RALGAPA1: variants seen among roughly 807,000 people sequenced by gnomAD.
RALGAPA1 encodes Ral GTPase activating protein catalytic subunit alpha 1.
RALGAPA1 carries 52 observed loss-of-function variants against 269.6 expected under a neutral mutation model. The ratio of observed to expected loss-of-function variants is 0.19; its 90% CI spans 0.15 to 0.24. RALGAPA1 has a LOEUF of 0.24. Ranked by LOEUF, RALGAPA1 falls within the 10% of genes least tolerant of loss-of-function variation. The pLI is 1.00. For missense variants in RALGAPA1, 1,917 were observed against 3,013.9 expected (o/e 0.64, Z 8.52); for synonymous variants, 817 against 1,008.3 (o/e 0.81, Z 3.60).
chr14:35,636,174 T>C (rs986524282), intron 31 of RALGAPA1, among the ~76,000 whole-genome samples: 1 of 152,104 alleles, frequency 6.6e-6, no homozygotes, highest in Admixed American at 6.5e-5. Flanking sequence ...GACTTCCAAA[T>C]AGCTGGGACT....
chr14:35,620,676 A>AAATC (rs2060561286), intron 35 of RALGAPA1, among the ~76,000 whole-genome samples: 1 of 152,246 alleles, frequency 6.6e-6, no homozygotes, highest in Non-Finnish European at 1.5e-5. Context: ...TCAGGATACA[A>AAATC]AATCAATGTG....
chr14:35,774,981 A>G (rs778849008), intron 3 of RALGAPA1, 25 bp downstream of exon 3: 9 of 1,459,076 alleles, frequency 6.2e-6, no homozygotes, highest in Non-Finnish European at 8.5e-6. Flanking sequence ...TGAAAAAGGG[A>G]AAAGTTAGGT....
chr14:35,557,766 A>C (rs1000418002), intron 39 of RALGAPA1, among the ~76,000 whole-genome samples: 1 of 152,206 alleles, frequency 6.6e-6, no homozygotes, highest in Non-Finnish European at 1.5e-5. Flanking sequence ...CAAAACATGC[A>C]TTTGAATTTC....
chr14:35,540,273 A>G (rs933701887), intron 41 of RALGAPA1, among the ~76,000 whole-genome samples: 3 of 152,210 alleles, frequency 2.0e-5, no homozygotes, highest in African/African-American at 4.8e-5. Context: ...AAATTTGTGG[A>G]TGAGGGGAGG....
intron 21 of RALGAPA1, among the ~76,000 whole-genome samples, chr14:35,680,440 C>A (rs1405070577): frequency 2.0e-5 from 3 of 151,896 alleles, no homozygotes; most frequent in Non-Finnish European, 4.4e-5. Flanking sequence ...GAACTCCTGA[C>A]CTCAGGTGAT....
chr14:35,627,805 T>C lies in RALGAPA1; in HGVS notation c.6142A>G (p.Ser2048Gly), dbSNP rs1382422077. 6.4e-7 allele frequency: 1 copy of C among 1,567,724 alleles called. No homozygotes were observed. Among genetic ancestry groups the C allele is most frequent in the Admixed American group, 1.7e-5 (1 of 57,206 alleles). ...TCAGGAGAAAGTTCAGTACTTTCAC[T>C]GTAATGATTGTCGTGATTTTCACAC... is the stretch of plus-strand genomic sequence containing the variant. ...QVCENHDNHY[S>G]ESTELSPELF... Residue 2048 changes from serine (S) to glycine (G), a missense_variant, in exon 34 of 42, where the codon AGT becomes GGT. Coordinates refer to ENST00000680220, the MANE Select transcript of RALGAPA1 (RefSeq NM_001346249.2).
intron 33 of RALGAPA1, among the ~76,000 whole-genome samples, chr14:35,629,500 AT>A (rs2061204644): frequency 6.6e-6 from 1 of 151,992 alleles, no homozygotes; most frequent in South Asian, 2.1e-4. Flanking sequence ...AAATTTATTT[AT>A]TTATTTATTT....
rs1421685735 is a variant in RALGAPA1 at position 35,688,900 on chromosome 14, CTT to C, written c.3509_3510del (p.Lys1170ArgfsTer15). Reference sequence around the variant, plus strand: ...CGCAGTCTCATCTTCCATGGAGCCTCTTTGTTTTCCAGAGGATTATAAAACTG... The same window carrying C: ...CGCAGTCTCATCTTCCATGGAGCCTCTGTTTTCCAGAGGATTATAAAACTG... ...SVQFYNPLENKEAPWKMRLRK... is the reference protein window; with the variant it reads ...SVQFYNPLENXEAPWKMRLRK... On this transcript the variant is annotated frameshift_variant, in exon 18 of 42. Transcript: ENST00000680220. LOFTEE classifies it high-confidence loss of function. 2 of 1,263,278 alleles carry C rather than the reference CTT, an allele frequency of 1.6e-6. No homozygotes were observed. The highest frequency in any genetic ancestry group is 2.0e-6 in the Non-Finnish European group (2 of 1,006,394). 78.3% of individuals were successfully genotyped at this position (1,263,278 alleles called of 1,614,324 possible). A position where few individuals can be genotyped will look rare whatever the true frequency, so the allele number is the denominator to read the frequency against.
intron 36 of RALGAPA1, among the ~76,000 whole-genome samples, chr14:35,598,617 G>A (rs1163711363): frequency 2.6e-5 from 4 of 151,732 alleles, no homozygotes; most frequent in South Asian, 2.1e-4. Flanking sequence ...AGGGGGTTTC[G>A]CCATGTTGGC....
At chr14:35,730,119 T>C (rs777489455) in intron 12 of RALGAPA1, among the ~76,000 whole-genome samples, 22 of 151,956 alleles carry the variant, frequency 1.4e-4, no homozygotes, top group African/African-American at 3.4e-4. Flanking sequence ...CACACACCCA[T>C]TGGGGAAACT....
intron 39 of RALGAPA1, among the ~76,000 whole-genome samples, chr14:35,552,600 T>C (rs1232458004): frequency 1.3e-5 from 2 of 151,888 alleles, no homozygotes; most frequent in Non-Finnish European, 2.9e-5. Context: ...AAATCTAAGT[T>C]GAAGTAAGCA....
At chr14:35,611,767 A>C (rs922091381) in intron 35 of RALGAPA1, among the ~76,000 whole-genome samples, 2 of 152,090 alleles carry the variant, frequency 1.3e-5, no homozygotes, top group Non-Finnish European at 2.9e-5. Flanking sequence ...CAGGAAAAAA[A>C]CCCTCTGAAA....
intron 41 of RALGAPA1, among the ~76,000 whole-genome samples, chr14:35,541,527 T>C (rs1418717158): frequency 6.6e-6 from 1 of 152,184 alleles, no homozygotes; most frequent in Non-Finnish European, 1.5e-5. Flanking sequence ...AGGAAACATA[T>C]TTCTGTTCAC....
At position 35,646,893 on chromosome 14, in the gene RALGAPA1, T is replaced by C. The variant is rs539708117; in HGVS notation, c.5676+4912A>G. ...GGATAAAGCAAATGTGGTGAACCAATATAAATAATTCTTTGTACTACCCTT... is the reference window on the plus strand; with the variant it reads ...GGATAAAGCAAATGTGGTGAACCAACATAAATAATTCTTTGTACTACCCTT... On this transcript the variant is annotated intron_variant, in intron 31 of 41. Transcript: ENST00000680220. Among the ~76,000 whole-genome samples the C allele has an allele frequency of 4.6e-5, 7 of 152,322 alleles. No homozygotes were observed. The East Asian group carries it at 9.6e-4, about 21-fold the overall frequency.
intron 39 of RALGAPA1, among the ~76,000 whole-genome samples, chr14:35,561,707 A>G (rs1263793586): frequency 6.6e-6 from 1 of 151,850 alleles, no homozygotes; most frequent in African/African-American, 2.4e-5. Context: ...ACAGGGTTTC[A>G]CTATATAGCC....
Position 35,698,783 on chromosome 14 carries a change from T to C in RALGAPA1, c.2407+1379A>G, listed in dbSNP as rs894919029. On this transcript the variant is annotated intron_variant, in intron 17 of 41. Transcript: ENST00000680220. ...AAGAACAGAAACATTGTTTGCCAACTTAAGTAGATTATAATTTGATGTAAG... is the reference window on the plus strand; with the variant it reads ...AAGAACAGAAACATTGTTTGCCAACCTAAGTAGATTATAATTTGATGTAAG... Among the ~76,000 whole-genome samples the C allele has an allele frequency of 7.2e-5, 11 of 152,282 alleles. No individual in the cohort carries two copies. In the South Asian group the frequency reaches 2.3e-3, roughly 32 times the overall value.
In RALGAPA1 at chr14:35,748,934, A is replaced by G; in HGVS notation, c.1012-110T>C. On this transcript the variant is annotated intron_variant, in intron 9 of 41. Transcript: ENST00000680220. ...ACAAAATCCAAAACATTTCCCAAGT[A>G]ATTTATACCACTGCTTAAACTCCGG... The G allele has an allele frequency of 2.1e-6, 3 of 1,402,366 alleles. No homozygotes were observed. In the South Asian group the frequency reaches 4.9e-5, roughly 23 times the overall value. 86.9% of individuals were successfully genotyped at this position (1,402,366 alleles called of 1,614,324 possible). A position where few individuals can be genotyped will look rare whatever the true frequency, so the allele number is the denominator to read the frequency against.
intron 37 of RALGAPA1, among the ~76,000 whole-genome samples, chr14:35,585,389 G>A (rs2139672367): frequency 6.6e-6 from 1 of 152,140 alleles, no homozygotes; most frequent in East Asian, 1.9e-4. Flanking sequence ...AAAAACACAT[G>A]GGTCAAATAA....
At chr14:35,574,242 G>C (rs747530843) in intron 37 of RALGAPA1, among the ~76,000 whole-genome samples, 1 of 152,148 alleles carries the variant, frequency 6.6e-6, no homozygotes, top group Non-Finnish European at 1.5e-5. Flanking sequence ...TTATTTATCT[G>C]CTACATTAAC....
Sources: gnomAD v4.1 joint callset for allele counts (sites outside exome capture counted in the v4.1 genomes callset) on GRCh38, gnomAD v4.1.1 for gene constraint, MANE v1.5 for transcripts, NCBI Gene and HGNC (gene_info 2026-07-23, HGNC 2026-07-21) for gene names.